The following CYBB variants were observed in gnomAD, a reference collection of about 807,000 sequenced individuals.
CYBB encodes the protein cytochrome b-245 beta chain, also known as NADPH oxidase 2.
Under a neutral mutation model 46.5 loss-of-function variants are expected in CYBB, and 5 were observed. The observed-to-expected ratio is 0.11, with a 90% CI of 0.06 to 0.23. The LOEUF (loss-of-function observed/expected upper bound fraction) is 0.23, where lower values mean the gene tolerates loss of function less well. Ranked by LOEUF, CYBB falls within the 10% of genes least tolerant of loss-of-function variation. The pLI is 1.00. For missense variants in CYBB, 307 were observed against 428.3 expected (o/e 0.72, Z 2.50); for synonymous variants, 183 against 156.7 (o/e 1.17, Z -1.26).
intron 12 of CYBB, 43 bp from the exon 13 acceptor site, chrX:37,810,748 C>T (rs1278704244): frequency 8.4e-7 from 1 of 1,190,873 alleles, no homozygotes; most frequent in Admixed American, 2.2e-5. Flanking sequence ...GTAGACATCT[C>T]ATCCCAAAGC....
intron 11 of CYBB, among the ~76,000 whole-genome samples, chrX:37,808,138 A>G (rs1332933730): frequency 8.9e-6 from 1 of 111,820 alleles, no homozygotes; most frequent in Non-Finnish European, 1.9e-5. Flanking sequence ...ATAACAAAAC[A>G]CCCAAGACTG....
intron 9 of CYBB, 42 bp from the exon 10 acceptor site, chrX:37,804,964 G>A: frequency 8.4e-7 from 1 of 1,189,597 alleles, no homozygotes; most frequent in Non-Finnish European, 1.1e-6. Flanking sequence ...ACTCTGAAGA[G>A]CAAGACATCT....
At chrX:37,804,948 C>T in intron 9 of CYBB, 58 bp from the exon 10 acceptor site, 1 of 1,106,652 alleles carries the variant, frequency 9.0e-7, no homozygotes, top group Non-Finnish European at 1.2e-6. Flanking sequence ...ATGGGTGCCC[C>T]ATCTCACTCT....
intron 7 of CYBB, 49 bp from the exon 8 acceptor site, chrX:37,801,207 A>G (rs1929430272): frequency 1.1e-6 from 1 of 893,454 alleles, no homozygotes. Flanking sequence ...ATATTTTGTT[A>G]TCTATTACCA....
chrX:37,799,721 T>A (rs1213305244), intron 7 of CYBB, among the ~76,000 whole-genome samples: 2 of 111,689 alleles, frequency 1.8e-5, no homozygotes, highest in East Asian at 2.8e-4. Flanking sequence ...GGGTTCCATT[T>A]TGTGTATTCT....
intron 1 of CYBB, among the ~76,000 whole-genome samples, chrX:37,780,394 T>C (rs1377070470): frequency 9.0e-6 from 1 of 111,687 alleles, no homozygotes; most frequent in Non-Finnish European, 1.9e-5. Context: ...AAATATTTCA[T>C]GCTAATGATC....
At chrX:37,809,908 T>C (rs2146821393) in intron 12 of CYBB, among the ~76,000 whole-genome samples, 1 of 111,978 alleles carries the variant, frequency 8.9e-6, no homozygotes, top group Non-Finnish European at 1.9e-5. Context: ...AAACAAGTAT[T>C]TCCAGGTCCC....
chrX:37,808,834 T>A (rs1929613611), intron 11 of CYBB, among the ~76,000 whole-genome samples: 1 of 112,685 alleles, frequency 8.9e-6, no homozygotes, highest in African/African-American at 3.2e-5. Context: ...TATTTTGCTT[T>A]GCAAAACTGA....
chrX:37,792,074 G>T lies in CYBB; in HGVS notation c.337+15G>T. The T allele has an allele frequency of 2.5e-5, 28 of 1,108,977 alleles. No homozygotes were observed. Among genetic ancestry groups the T allele is most frequent in the Non-Finnish European group, 3.5e-5 (28 of 802,506 alleles). The allele number at this position is 1,108,977 out of a possible 1,213,427, so 91.4% of individuals were successfully genotyped here. On this transcript the variant is annotated intron_variant, in intron 4 of 12. Coordinates refer to ENST00000378588, the MANE Select transcript of CYBB (RefSeq NM_000397.4). Reference sequence around the variant, plus strand: ...ACTTCACTCTGGTAAGTTTATTAAAGAAAACTTGGAACCAGGGAGTTCCCT... The same window carrying T: ...ACTTCACTCTGGTAAGTTTATTAAATAAAACTTGGAACCAGGGAGTTCCCT...
chrX:37,795,754 C>G (rs889865035), intron 5 of CYBB, among the ~76,000 whole-genome samples, 197 bp from the exon 6 acceptor site: 4 of 112,600 alleles, frequency 3.6e-5, no homozygotes, highest in Non-Finnish European at 7.5e-5. Flanking sequence ...TTAGAAACAT[C>G]TATTTCAAAT....
intron 8 of CYBB, among the ~76,000 whole-genome samples, chrX:37,803,644 A>G (rs1929493272): frequency 9.0e-6 from 1 of 111,171 alleles, no homozygotes; most frequent in African/African-American, 3.3e-5. Flanking sequence ...AGTTAACCTA[A>G]GTTAAGGAAA....
intron 9 of CYBB, 85 bp from the exon 10 acceptor site, chrX:37,804,921 G>T (rs782656406): frequency 2.1e-6 from 2 of 938,673 alleles, no homozygotes; most frequent in East Asian, 6.2e-5. Context: ...TTAACATGTT[G>T]CACATCCCCA....
In CYBB at chrX:37,810,938, A is replaced by G. The variant is rs1294166072; in HGVS notation, c.*21A>G. 2 of 1,195,753 alleles carry G rather than the reference A, an allele frequency of 1.7e-6. No individual in the cohort carries two copies. The highest frequency in any genetic ancestry group is 2.2e-5 in the Admixed American group (1 of 45,542). ...TCTAACTTGTCTCTTCCATGAGGAA[A>G]TAAATGTGGGTTGTGCTGCCAAATG... On this transcript the variant is annotated 3_prime_UTR_variant, in exon 13 of 13. Coordinates refer to ENST00000378588, the MANE Select transcript of CYBB (RefSeq NM_000397.4).
Position 37,812,043 on chromosome X carries a change from T to A in CYBB, c.*1126T>A, listed in dbSNP as rs1929686886. On this transcript the variant is annotated 3_prime_UTR_variant, in exon 13 of 13. Transcript: ENST00000378588. Reference sequence around the variant, plus strand: ...ATTTGTTTTAAATAACACCCACCCCTTATTTTCCGTAAATACACACACAAA... The same window carrying A: ...ATTTGTTTTAAATAACACCCACCCCATATTTTCCGTAAATACACACACAAA... 8.9e-6 allele frequency: 1 copy of A among 112,232 alleles called. No individual in the cohort carries two copies. Among genetic ancestry groups the A allele is most frequent in the Non-Finnish European group, 1.9e-5 (1 of 53,238 alleles). 9.2% of individuals were successfully genotyped at this position (112,232 alleles called of 1,213,427 possible).
rs1602183207 is a variant in CYBB, at chrX:37,804,038, C to T, written c.1059C>T (p.Ile353=). ...TSAPEEDFFS[I]HIRIVGDWTE... The stretch of plus-strand genomic sequence containing the variant: ...CCCCTGAGGAAGACTTCTTTAGTAT[C>T]CATATCCGCATCGTTGGGGACTGGA... The change falls in exon 9 of 13, where the codon ATC becomes ATT. Residue 353 remains isoleucine, a synonymous_variant. Coordinates refer to ENST00000378588, the MANE Select transcript of CYBB (RefSeq NM_000397.4). The T allele has an allele frequency of 2.5e-6, 3 of 1,211,015 alleles. No homozygotes were observed. The highest frequency in any genetic ancestry group is 2.2e-5 in the Admixed American group (1 of 45,931).
At chrX:37,781,958 A>G (rs1444626207) in intron 1 of CYBB, 130 bp from the exon 2 acceptor site, 2 of 546,681 alleles carry the variant, frequency 3.7e-6, no homozygotes, top group Non-Finnish European at 3.3e-6. Context: ...TAAGCTGGTT[A>G]TATCCAGCTT....
At chrX:37,792,088 A>G in intron 4 of CYBB, 29 bp downstream of exon 4, 1 of 1,003,419 alleles carries the variant, frequency 1.0e-6, no homozygotes, top group Non-Finnish European at 1.4e-6. Context: ...ACTTGGAACC[A>G]GGGAGTTCCC....
chrX:37,780,163 C>T (rs1556464136), intron 1 of CYBB, 41 bp downstream of exon 1: 3 of 1,102,299 alleles, frequency 2.7e-6, no homozygotes, highest in Non-Finnish European at 1.3e-6. Context: ...TCTCTGACTT[C>T]TCGGGGTTAT....
chrX:37,783,869 C>T (rs1929005382), intron 3 of CYBB, among the ~76,000 whole-genome samples: 1 of 111,312 alleles, frequency 9.0e-6, no homozygotes, highest in African/African-American at 3.3e-5. Context: ...CACGTTTACA[C>T]ACACACACAT....
Sources: allele counts gnomAD v4.1 joint callset (sites outside exome capture counted in the v4.1 genomes callset), GRCh38; gene constraint gnomAD v4.1.1; transcripts MANE v1.5; gene names NCBI Gene and HGNC (gene_info 2026-07-23, HGNC 2026-07-21).